CILP2: variants seen among roughly 807,000 people sequenced by gnomAD.
CILP2 encodes CILP-2.
A neutral mutation model predicts 45.6 loss-of-function variants in CILP2; 38 were observed. The observed-to-expected ratio is 0.83, with a 90% CI of 0.64 to 1.09. The LOEUF is 1.09. CILP2 is among the 50% of genes least tolerant of loss of function. CILP2 has a pLI of 0.00. For missense variants in CILP2, 1,735 were observed against 1,662.2 expected (o/e 1.04, Z -0.76); for synonymous variants, 780 against 723.5 (o/e 1.08, Z -1.25).
In CILP2 at chr19:19,544,929, C is replaced by T. The variant is rs916371585; in HGVS notation, c.2384C>T (p.Ala795Val). Residue 795 changes from alanine to valine, a missense_variant, in exon 8 of 8, where the codon GCC becomes GTC. Transcript: ENST00000291495. ...GGCCCCAATGGCGCCTGCCTCCCCG[C>T]CTTCTGCGACGCCGACAGGCCAGAC... ...VTGPNGACLP[A>V]FCDADRPDAY... 5 of 1,591,972 alleles carry T rather than the reference C, an allele frequency of 3.1e-6. No homozygotes were observed. The highest frequency in any genetic ancestry group is 4.2e-6 in the Non-Finnish European group (5 of 1,176,536).
Position 19,545,857 on chromosome 19 carries a change from C to A in CILP2, c.3312C>A (p.Cys1104Ter). ...ADAGTAVTFQ[C>*]REPPAGRPSL... ...CCGGCACAGCCGTCACCTTCCAGTG[C>A]CGGGAGCCACCGGCCGGACGACCCA... Residue 1104 changes from cysteine (C) to a stop codon, truncating the protein, a stop_gained, in exon 8 of 8, where the codon TGC becomes TGA. Coordinates refer to ENST00000291495, the MANE Select transcript of CILP2 (RefSeq NM_153221.2). LOFTEE classifies it low-confidence loss of function (END_TRUNC). The A allele has an allele frequency of 6.3e-7, 1 of 1,585,608 alleles. No homozygotes were observed.
intron 3 of CILP2, 118 bp downstream of exon 3, chr19:19,540,594 C>A: frequency 8.6e-7 from 1 of 1,164,554 alleles, no homozygotes; most frequent in Non-Finnish European, 1.1e-6. Context: ...GTGGGCGTGG[C>A]TGGGAAGAGC....
In CILP2 at chr19:19,542,516, C is replaced by G; in HGVS notation, c.734C>G (p.Thr245Ser). Residue 245 changes from threonine (T) to serine (S), a missense_variant, in exon 5 of 8, where the codon ACC becomes AGC. Coordinates refer to ENST00000291495, the MANE Select transcript of CILP2 (RefSeq NM_153221.2). The part of the protein sequence containing the change: ...GTVATSDAHG[T>S]FRVPGVCADS... ...GTGGCCACCAGCGATGCTCACGGAA[C>G]CTTCCGGGTGCCTGGTGTCTGTGCT... is the stretch of plus-strand genomic sequence containing the variant. 6.2e-7 allele frequency: 1 copy of G among 1,614,030 alleles called. No homozygotes were observed. Among genetic ancestry groups the G allele is most frequent in the Non-Finnish European group, 8.5e-7 (1 of 1,180,046 alleles).
In CILP2 at chr19:19,543,953, C is replaced by T. The variant is rs142051343; in HGVS notation, c.1408C>T (p.Pro470Ser). ...VAECGCQKCL[P>S]PRGLVRGRVV... ...AGAGTGTGGCTGCCAGAAGTGTCTG[C>T]CCCCTCGGGGGCTGGTCCGGGGCCG... The change falls in exon 8 of 8, where the codon CCC becomes TCC. Residue 470 changes from proline to serine, a missense_variant. Coordinates refer to ENST00000291495, the MANE Select transcript of CILP2 (RefSeq NM_153221.2). 108 of 1,613,170 alleles carry T rather than the reference C, an allele frequency of 6.7e-5. 1 individual carries two copies. Among genetic ancestry groups the T allele is most frequent in the Non-Finnish European group, 8.1e-5 (96 of 1,179,640 alleles).
chr19:19,545,176 T>G lies in CILP2; in HGVS notation c.2631T>G (p.Pro877=). The stretch of plus-strand genomic sequence containing the variant: ...GTGACCCCGCCGAGGCCAATGGGCC[T>G]GTGTACCCGTGGCGCAGCCTGCGGG... The part of the protein sequence containing the change: ...RPGDPAEANG[P]VYPWRSLREC... Residue 877 remains proline, a synonymous_variant, in exon 8 of 8, where the codon CCT becomes CCG. Coordinates refer to ENST00000291495, the MANE Select transcript of CILP2 (RefSeq NM_153221.2). 1 of 1,612,714 alleles carries G rather than the reference T, an allele frequency of 6.2e-7. No homozygotes were observed. Among genetic ancestry groups the G allele is most frequent in the African/African-American group, 1.3e-5 (1 of 75,068 alleles).
Position 19,544,498 on chromosome 19 carries a change from C to A in CILP2, c.1953C>A (p.Gly651=), listed in dbSNP as rs767868744. The A allele has an allele frequency of 6.2e-7, 1 of 1,602,484 alleles. No homozygotes were observed. The highest frequency in any genetic ancestry group is 2.2e-5 in the East Asian group (1 of 44,788). ...TCTCCGTGGACCTCCGTGCGCCCGG[C>A]TCCGCGGAGCAGCTGCAGGTGGGGC... is the stretch of plus-strand genomic sequence containing the variant. ...GMFSVDLRAP[G]SAEQLQVGPV... The change falls in exon 8 of 8, where the codon GGC becomes GGA. Residue 651 remains glycine (G), a synonymous_variant. Transcript: ENST00000291495.
Position 19,539,787 on chromosome 19 carries a change from C to A in CILP2, c.163+10C>A. 1.3e-6 allele frequency: 2 copies of A among 1,566,308 alleles called. No homozygotes were observed. The highest frequency in any genetic ancestry group is 1.7e-6 in the Non-Finnish European group (2 of 1,153,664). On this transcript the variant is annotated intron_variant, in intron 2 of 7. Coordinates refer to ENST00000291495, the MANE Select transcript of CILP2 (RefSeq NM_153221.2). ...CTGGAGGACTGGGAAGGTGAGTTAG[C>A]CTGCCTCGGAGTCCCGTCTCTGCTG...
rs755639042 is a variant in CILP2 at position 19,544,079 on chromosome 19, G to A, written c.1534G>A (p.Glu512Lys). The change falls in exon 8 of 8, where the codon GAG (glutamate) becomes AAG (lysine). Residue 512 changes from glutamate (E) to lysine (K), a missense_variant. Coordinates refer to ENST00000291495, the MANE Select transcript of CILP2 (RefSeq NM_153221.2). The stretch of plus-strand genomic sequence containing the variant: ...CGCCTACCAGGGCGACTTTACCATT[G>A]AGGTGCCGCCCTCCACCCAGCGGCT... ...FTAYQGDFTIEVPPSTQRLVV... is the reference protein window; with the variant it reads ...FTAYQGDFTIKVPPSTQRLVV... 6.2e-7 allele frequency: 1 copy of A among 1,614,010 alleles called. No individual in the cohort carries two copies. The highest frequency in any genetic ancestry group is 1.1e-5 in the South Asian group (1 of 91,084).
Position 19,544,442 on chromosome 19 carries a change from G to T in CILP2, c.1897G>T (p.Glu633Ter). Reference sequence around the variant, plus strand: ...CCTGCGCTTCGTGGACAGCGACGGCGAGCTGGCTCCACTGCGCACCTACGG... The same window carrying T: ...CCTGCGCTTCGTGGACAGCGACGGCTAGCTGGCTCCACTGCGCACCTACGG... ...SDLRFVDSDG[E>*]LAPLRTYGMF... is the part of the protein sequence containing the mutation. The change falls in exon 8 of 8, where the codon GAG becomes TAG. Residue 633 changes from glutamate (E) to a stop codon, truncating the protein, a stop_gained. Transcript: ENST00000291495. LOFTEE classifies it low-confidence loss of function (END_TRUNC). 6.2e-7 allele frequency: 1 copy of T among 1,609,770 alleles called. No homozygotes were observed. Among genetic ancestry groups the T allele is most frequent in the East Asian group, 2.2e-5 (1 of 44,854 alleles).
rs754067896 is a variant in CILP2 at position 19,545,203 on chromosome 19, A to G, written c.2658A>G (p.Glu886=). The G allele has an allele frequency of 1.2e-6, 2 of 1,612,598 alleles. No individual in the cohort carries two copies. The highest frequency in any genetic ancestry group is 8.5e-7 in the Non-Finnish European group (1 of 1,179,750). ...GPVYPWRSLR[E]CQGAPVTASH... Reference sequence around the variant, plus strand: ...TGTACCCGTGGCGCAGCCTGCGGGAATGCCAGGGGGCCCCGGTGACTGCCA... The same window carrying G: ...TGTACCCGTGGCGCAGCCTGCGGGAGTGCCAGGGGGCCCCGGTGACTGCCA... Residue 886 remains glutamate (E), a synonymous_variant, in exon 8 of 8, where the codon GAA becomes GAG. Coordinates refer to ENST00000291495, the MANE Select transcript of CILP2 (RefSeq NM_153221.2).
Position 19,543,745 on chromosome 19 carries a change from T to C in CILP2, c.1200T>C (p.Cys400=), listed in dbSNP as rs774101229. Residue 400 remains cysteine (C), a synonymous_variant, in exon 8 of 8, where the codon TGT becomes TGC. Coordinates refer to ENST00000291495, the MANE Select transcript of CILP2 (RefSeq NM_153221.2). ...REYLIKLPED[C]GQPGSGPAYL... is the part of the protein sequence containing the mutation. ...ACCTGATCAAGCTCCCTGAGGACTG[T>C]GGTCAGCCAGGTAGTGGCCCTGCCT... is the stretch of plus-strand genomic sequence containing the variant. The C allele has an allele frequency of 6.2e-7, 1 of 1,613,216 alleles. No homozygotes were observed. The highest frequency in any genetic ancestry group is 1.1e-5 in the South Asian group (1 of 91,012).
chr19:19,544,308 C>T lies in CILP2; in HGVS notation c.1763C>T (p.Ser588Phe). Residue 588 changes from serine to phenylalanine, a missense_variant, in exon 8 of 8, where the codon TCT becomes TTT. Transcript: ENST00000291495. ...EAPLGELVLP[S>F]GAFRRADGKP... ...CCCCTGGGCGAGCTGGTCCTGCCTT[C>T]TGGCGCTTTCCGCAGAGCCGACGGC... is the stretch of plus-strand genomic sequence containing the variant. The T allele has an allele frequency of 6.2e-7, 1 of 1,612,938 alleles. No homozygotes were observed. Among genetic ancestry groups the T allele is most frequent in the Non-Finnish European group, 8.5e-7 (1 of 1,180,008 alleles).
In CILP2 at chr19:19,545,363, T is replaced by C. The variant is rs1441710821; in HGVS notation, c.2818T>C (p.Phe940Leu). 6.2e-7 allele frequency: 1 copy of C among 1,612,524 alleles called. No individual in the cohort carries two copies. Among genetic ancestry groups the C allele is most frequent in the East Asian group, 2.2e-5 (1 of 44,848 alleles). The change falls in exon 8 of 8, where the codon TTC becomes CTC. Residue 940 changes from phenylalanine (F) to leucine (L), a missense_variant. By Grantham distance (22) the Phe-to-Leu change is conservative. Coordinates refer to ENST00000291495, the MANE Select transcript of CILP2 (RefSeq NM_153221.2). ...WPNPQEFRAC[F>L]LKVKIQGPQE... ...CAACCCGCAGGAGTTCCGGGCCTGC[T>C]TCCTCAAGGTGAAGATCCAGGGTCC...
At position 19,543,842 on chromosome 19, in the gene CILP2, G is replaced by C. The variant is rs763260229; in HGVS notation, c.1297G>C (p.Ala433Pro). The change falls in exon 8 of 8, where the codon GCC (alanine) becomes CCC (proline). Residue 433 changes from alanine to proline, a missense_variant. Physicochemically the swap from Ala to Pro is conservative, Grantham distance 27. Transcript: ENST00000291495. The part of the protein sequence containing the change: ...LAGSSPRCGD[A>P]SSRCCSVRRL... ...AGGCTCCAGCCCCCGCTGCGGGGAC[G>C]CCAGCTCCCGCTGCTGCTCTGTGCG... 1 of 1,613,766 alleles carries C rather than the reference G, an allele frequency of 6.2e-7. No individual in the cohort carries two copies. Among genetic ancestry groups the C allele is most frequent in the Admixed American group, 1.7e-5 (1 of 60,012 alleles).
In CILP2 at chr19:19,545,647, C is replaced by A; in HGVS notation, c.3102C>A (p.His1034Gln). The A allele has an allele frequency of 1.9e-6, 3 of 1,607,822 alleles. No individual in the cohort carries two copies. Among genetic ancestry groups the A allele is most frequent in the Non-Finnish European group, 2.5e-6 (3 of 1,177,054 alleles). Residue 1034 changes from histidine to glutamine, a missense_variant, in exon 8 of 8, where the codon CAC becomes CAA. His to Gln is a conservative substitution (Grantham distance 24). Coordinates refer to ENST00000291495, the MANE Select transcript of CILP2 (RefSeq NM_153221.2). ...TCCTTCGGGATTACCTGACCCGGCA[C>A]CCCCCACCGGTGCCCGCGGAGGACC... ...NGLLRDYLTR[H>Q]PPPVPAEDPA...
In CILP2 at chr19:19,543,952, GC is replaced by G. The variant is rs1568369833; in HGVS notation, c.1412del (p.Pro471LeufsTer52). Reference sequence around the variant, plus strand: ...CAGAGTGTGGCTGCCAGAAGTGTCTGCCCCCTCGGGGGCTGGTCCGGGGCCG... The same window carrying G: ...CAGAGTGTGGCTGCCAGAAGTGTCTGCCCCTCGGGGGCTGGTCCGGGGCCG... ...VAECGCQKCL[P>X]PRGLVRGRVV... On this transcript the variant is annotated frameshift_variant, in exon 8 of 8. Transcript: ENST00000291495. LOFTEE classifies it low-confidence loss of function (END_TRUNC). 3 of 1,613,380 alleles carry G rather than the reference GC, an allele frequency of 1.9e-6. No homozygotes were observed. In the Admixed American group the frequency reaches 5.0e-5, roughly 27 times the overall value.
Position 19,545,522 on chromosome 19 carries a change from T to C in CILP2, c.2977T>C (p.Phe993Leu), listed in dbSNP as rs1474251043. 1 of 1,612,208 alleles carries C rather than the reference T, an allele frequency of 6.2e-7. No individual in the cohort carries two copies. Among genetic ancestry groups the C allele is most frequent in the African/African-American group, 1.3e-5 (1 of 74,824 alleles). Residue 993 changes from phenylalanine to leucine, a missense_variant, in exon 8 of 8, where the codon TTC becomes CTC. Phe to Leu is a conservative substitution (Grantham distance 22). Coordinates refer to ENST00000291495, the MANE Select transcript of CILP2 (RefSeq NM_153221.2). The stretch of plus-strand genomic sequence containing the variant: ...GGGCACCTCGGCAGCCTGCGTGGAG[T>C]TCAAGTGCAGCGGGATGCTGTTCGA... ...RPGTSAACVE[F>L]KCSGMLFDQR...
chr19:19,540,608 G>C, intron 3 of CILP2, 132 bp downstream of exon 3: 3 of 1,079,016 alleles, frequency 2.8e-6, no homozygotes, highest in Non-Finnish European at 3.7e-6. Context: ...GAAGAGCCGG[G>C]GGACCCTTAG....
chr19:19,544,648 G>T lies in CILP2; in HGVS notation c.2103G>T (p.Gly701=), dbSNP rs747526368. 13 of 1,553,616 alleles carry T rather than the reference G, an allele frequency of 8.4e-6. No individual in the cohort carries two copies. The African/African-American group carries it at 1.8e-4, about 21-fold the overall frequency. Residue 701 remains glycine (G), a synonymous_variant, in exon 8 of 8, where the codon GGG becomes GGT. Coordinates refer to ENST00000291495, the MANE Select transcript of CILP2 (RefSeq NM_153221.2). ...AGGAGAGCGGCTTCCGGCGCGAGGG[G>T]TCCTCGGGCCCCCGGGTGCGCCGGG... ...WEEESGFRRE[G]SSGPRVRREE...
Sources: allele counts gnomAD v4.1 joint callset, GRCh38; gene constraint gnomAD v4.1.1; transcripts MANE v1.5; gene names NCBI Gene and HGNC (gene_info 2026-07-23, HGNC 2026-07-21).